BNC2: variants seen among roughly 807,000 people sequenced by gnomAD.
BNC2 encodes the protein zinc finger protein basonuclin-2.
BNC2 carries 20 observed loss-of-function variants against 76.3 expected under a neutral mutation model. That is an observed-to-expected ratio of 0.26 (90% CI 0.18 to 0.38). BNC2 has a LOEUF of 0.38. Ranked by LOEUF, BNC2 falls within the 10% of genes least tolerant of loss-of-function variation. The pLI, the probability that BNC2 is intolerant of heterozygous loss-of-function variation, is 1.00. For synonymous variants in BNC2, 582 were observed against 514.8 expected (o/e 1.13, Z -1.77); for missense variants, 1,382 against 1,399.8 (o/e 0.99, Z 0.20).
intron 3 of BNC2, among the ~76,000 whole-genome samples, chr9:16,592,667 A>T (rs574726910): frequency 5.9e-5 from 9 of 152,284 alleles, no homozygotes; most frequent in Admixed American, 1.3e-4. Flanking sequence ...TGGTAAGTGA[A>T]ACATATCTCA....
At chr9:16,557,169 ATC>A (rs1211804386) in intron 4 of BNC2, among the ~76,000 whole-genome samples, 3 of 152,128 alleles carry the variant, frequency 2.0e-5, no homozygotes, top group Non-Finnish European at 4.4e-5. Context: ...GGGCCTAACC[ATC>A]TGCTGATGTG....
chr9:16,795,149 G>C (rs1817609943), intron 1 of BNC2, among the ~76,000 whole-genome samples: 1 of 152,132 alleles, frequency 6.6e-6, no homozygotes, highest in South Asian at 2.1e-4. Flanking sequence ...GCTGACTAGA[G>C]TTGAAAACAG....
At chr9:16,774,109 G>C (rs1459863021) in intron 1 of BNC2, among the ~76,000 whole-genome samples, 1 of 152,046 alleles carries the variant, frequency 6.6e-6, no homozygotes, top group Non-Finnish European at 1.5e-5. Flanking sequence ...ATCCTCCCAA[G>C]TAGGTGAGAT....
intron 3 of BNC2, among the ~76,000 whole-genome samples, chr9:16,717,166 G>A (rs565152783): frequency 4.6e-5 from 7 of 151,962 alleles, no homozygotes; most frequent in South Asian, 4.1e-4. Flanking sequence ...TTATCTCTCC[G>A]CACCCCTTTC....
At chr9:16,458,897 G>C (rs1173246862) in intron 5 of BNC2, among the ~76,000 whole-genome samples, 3 of 152,184 alleles carry the variant, frequency 2.0e-5, no homozygotes, top group Non-Finnish European at 2.9e-5. Context: ...AGCACGAGGA[G>C]AGAACAATGA....
chr9:16,569,951 C>G (rs1469217022), intron 4 of BNC2, among the ~76,000 whole-genome samples: 1 of 152,202 alleles, frequency 6.6e-6, no homozygotes, highest in East Asian at 1.9e-4. Context: ...ACACAGTACA[C>G]TGACTATAAA....
intron 1 of BNC2, among the ~76,000 whole-genome samples, chr9:16,762,573 A>G (rs1382997607): frequency 6.6e-6 from 1 of 152,208 alleles, no homozygotes; most frequent in Non-Finnish European, 1.5e-5. Flanking sequence ...AGGAAATAAC[A>G]CGAAGTAGAC....
At chr9:16,575,672 G>A (rs1819463415) in intron 4 of BNC2, among the ~76,000 whole-genome samples, 1 of 152,190 alleles carries the variant, frequency 6.6e-6, no homozygotes, top group African/African-American at 2.4e-5. Flanking sequence ...GTAAAGGAGA[G>A]AGGCAGAAGA....
At chr9:16,747,316 G>T (rs1469729254) in intron 1 of BNC2, among the ~76,000 whole-genome samples, 1 of 147,020 alleles carries the variant, frequency 6.8e-6, no homozygotes, top group Non-Finnish European at 1.5e-5. Context: ...TTCTTACTAT[G>T]TACAAGACAT....
chr9:16,414,463 A>C lies in BNC2; in HGVS notation c.*4526T>G, dbSNP rs1431769804. The C allele has an allele frequency of 1.3e-5, 2 of 152,218 alleles. No individual in the cohort carries two copies. The highest frequency in any genetic ancestry group is 2.9e-5 in the Non-Finnish European group (2 of 68,040). 9.4% of individuals were successfully genotyped at this position (152,218 alleles called of 1,614,324 possible). On this transcript the variant is annotated 3_prime_UTR_variant, in exon 7 of 7. Coordinates refer to ENST00000380672, the MANE Select transcript of BNC2 (RefSeq NM_017637.6). ...AAAAGCAAAACCACCTAATTTAAAT[A>C]CTTCAAGTTTGGGAGAAGATAAGTG...
At chr9:16,870,249 G>A (rs1215403354) in intron 1 of BNC2, among the ~76,000 whole-genome samples, 1 of 152,032 alleles carries the variant, frequency 6.6e-6, no homozygotes, top group Admixed American at 6.6e-5. Flanking sequence ...TCTTCCCCGA[G>A]CTCCTGCCAG....
At chr9:16,645,188 A>ATTTT (rs1377510540) in intron 3 of BNC2, among the ~76,000 whole-genome samples, 3 of 152,162 alleles carry the variant, frequency 2.0e-5, no homozygotes, top group African/African-American at 7.2e-5. Flanking sequence ...GAAAAAGAAG[A>ATTTT]TTTGAAAGAG....
At chr9:16,580,215 T>C in intron 4 of BNC2, 1 of 398,378 alleles carries the variant, frequency 2.5e-6, no homozygotes, top group Non-Finnish European at 4.4e-6. Context: ...GGTGCTGTCA[T>C]CCCACTGCCA....
intron 1 of BNC2, among the ~76,000 whole-genome samples, chr9:16,757,515 T>G (rs1276482122): frequency 1.3e-5 from 2 of 152,242 alleles, no homozygotes; most frequent in African/African-American, 2.4e-5. Context: ...GAGAAATATC[T>G]GTCAAAAGTT....
chr9:16,699,293 C>T (rs758980822), intron 3 of BNC2: 4 of 448,528 alleles, frequency 8.9e-6, no homozygotes, highest in Non-Finnish European at 1.8e-5. Flanking sequence ...GGAAGACAGG[C>T]CAACAGAATA....
intron 5 of BNC2, among the ~76,000 whole-genome samples, chr9:16,440,804 C>A (rs1472220651): frequency 6.6e-6 from 1 of 152,178 alleles, no homozygotes; most frequent in East Asian, 1.9e-4. Context: ...TACATTAAAC[C>A]ACTTGCTTCT....
At chr9:16,708,973 C>T (rs969457789) in intron 3 of BNC2, among the ~76,000 whole-genome samples, 3 of 152,150 alleles carry the variant, frequency 2.0e-5, no homozygotes, top group African/African-American at 7.2e-5. Context: ...TAACGCTTCA[C>T]CCTATACACT....
chr9:16,639,953 A>G (rs745807710), intron 3 of BNC2, among the ~76,000 whole-genome samples: 6 of 152,032 alleles, frequency 3.9e-5, no homozygotes, highest in Admixed American at 1.3e-4. Flanking sequence ...AGTGGATTAC[A>G]TTTTTTCCCC....
rs995613464 is a variant in BNC2, at chr9:16,797,292, T to C, written c.4-58807A>G. On this transcript the variant is annotated intron_variant, in intron 1 of 6. Coordinates refer to ENST00000380672, the MANE Select transcript of BNC2 (RefSeq NM_017637.6). ...TAAGCTGGAAATAGCTTCATCTTTC[T>C]AGATACCCAACTTCTCCACTATACA... Among the ~76,000 whole-genome samples, 2 of 152,180 alleles carry C rather than the reference T, an allele frequency of 1.3e-5. 1 individual carries two copies. The highest frequency in any genetic ancestry group is 4.1e-4 in the South Asian group (2 of 4,836).
Sources: allele counts gnomAD v4.1 joint callset (sites outside exome capture counted in the v4.1 genomes callset), GRCh38; gene constraint gnomAD v4.1.1; transcripts MANE v1.5; gene names NCBI Gene and HGNC (gene_info 2026-07-23, HGNC 2026-07-21).